PGPEP1L: variants seen among roughly 807,000 people sequenced by gnomAD.
PGPEP1L encodes the protein pyroglutamyl-peptidase I like.
PGPEP1L carries 7 observed loss-of-function variants against 6.0 expected under a neutral mutation model. The observed-to-expected ratio is 1.17, with a 90% CI of 0.66 to 2.19. The LOEUF (loss-of-function observed/expected upper bound fraction) is 2.19. PGPEP1L is among the 30% of genes most tolerant of loss of function. The pLI, the probability that PGPEP1L is intolerant of heterozygous loss-of-function variation, is 0.00. For missense variants in PGPEP1L, 209 were observed against 192.5 expected (o/e 1.09, Z -0.51); for synonymous variants, 103 against 83.9 (o/e 1.23, Z -1.24).
intron 2 of PGPEP1L, among the ~76,000 whole-genome samples, chr15:98,978,853 C>T (rs1487057682): frequency 6.6e-6 from 1 of 150,902 alleles, no homozygotes; most frequent in Non-Finnish European, 1.5e-5. Flanking sequence ...CCTCAGCCTC[C>T]CGAGTAGCTG....
At position 98,970,749 on chromosome 15, in the gene PGPEP1L, T is replaced by TC. The variant is rs536097140; in HGVS notation, c.-19+286dup. Reference sequence around the variant, plus strand: ...GTGTGGGGCCCAACCCAAGGGCCTCTCCCTTAGGTGGAAACTATTTTTGAG... The same window carrying TC: ...GTGTGGGGCCCAACCCAAGGGCCTCTCCCCTTAGGTGGAAACTATTTTTGAG... On this transcript the variant is annotated intron_variant, in intron 3 of 4. Coordinates refer to ENST00000535714, the MANE Select transcript of PGPEP1L (RefSeq NM_001167902.2). Among the ~76,000 whole-genome samples, 31 of 152,340 alleles carry TC rather than the reference T, an allele frequency of 2.0e-4. No homozygotes were observed. The South Asian group carries it at 6.4e-3, about 32-fold the overall frequency.
At chr15:99,006,789 C>A (rs1319459654) in intron 1 of PGPEP1L, among the ~76,000 whole-genome samples, 2 of 152,200 alleles carry the variant, frequency 1.3e-5, no homozygotes, top group African/African-American at 4.8e-5. Flanking sequence ...CAGAGTGAGA[C>A]CCTGTCTCTA....
chr15:98,970,524 TCA>T (rs3051368), intron 3 of PGPEP1L, among the ~76,000 whole-genome samples: 69,841 of 149,718 alleles, frequency 0.47, 16,624 homozygotes, highest in South Asian at 0.57. Context: ...ATTAACCTCA[TCA>T]CATCTGGTCC....
chr15:98,971,733 T>C (rs1020803094), intron 2 of PGPEP1L, among the ~76,000 whole-genome samples: 1 of 152,140 alleles, frequency 6.6e-6, no homozygotes, highest in Non-Finnish European at 1.5e-5. Context: ...CTGGCACAAG[T>C]AAGAAAACAC....
chr15:98,977,842 C>G (rs1047845275), intron 2 of PGPEP1L, among the ~76,000 whole-genome samples: 1 of 152,232 alleles, frequency 6.6e-6, no homozygotes, highest in African/African-American at 2.4e-5. Flanking sequence ...ACGTATTTTA[C>G]AAGCACTGTT....
intron 2 of PGPEP1L, among the ~76,000 whole-genome samples, chr15:98,983,228 A>T (rs2017694778): frequency 6.6e-6 from 1 of 151,544 alleles, no homozygotes; most frequent in Non-Finnish European, 1.5e-5. Context: ...TTACTTTCCT[A>T]TCCCTGAACA....
intron 2 of PGPEP1L, among the ~76,000 whole-genome samples, chr15:99,000,436 G>A (rs371782864): frequency 5.8e-4 from 89 of 152,346 alleles, no homozygotes; most frequent in East Asian, 1.2e-3. Flanking sequence ...GCCCCAGTGC[G>A]GGATCCACAG....
At chr15:98,983,176 A>AATC (rs1406083843) in intron 2 of PGPEP1L, among the ~76,000 whole-genome samples, 5 of 151,314 alleles carry the variant, frequency 3.3e-5, no homozygotes, top group East Asian at 1.9e-4. Flanking sequence ...AAAAAAGAAG[A>AATC]ATCAAGAGAA....
chr15:98,969,320 G>A (rs1184005282), intron 4 of PGPEP1L, 105 bp downstream of exon 4: 1 of 1,435,482 alleles, frequency 7.0e-7, no homozygotes, highest in Non-Finnish European at 9.7e-7. Context: ...GCATGGCCAA[G>A]TGGCCAGCTG....
chr15:98,998,440 CAT>C (rs766148643), intron 2 of PGPEP1L, among the ~76,000 whole-genome samples: 5 of 152,194 alleles, frequency 3.3e-5, no homozygotes, highest in Non-Finnish European at 7.3e-5. Context: ...GGCTTAAGAA[CAT>C]GTGTGCACAG....
chr15:98,982,025 G>A (rs891612209), intron 2 of PGPEP1L, among the ~76,000 whole-genome samples: 1 of 152,184 alleles, frequency 6.6e-6, no homozygotes, highest in South Asian at 2.1e-4. Context: ...TCCTGTCAAC[G>A]TGGGAATGGA....
At chr15:98,993,056 C>T (rs2017839909) in intron 2 of PGPEP1L, among the ~76,000 whole-genome samples, 1 of 152,216 alleles carries the variant, frequency 6.6e-6, no homozygotes, top group African/African-American at 2.4e-5. Context: ...GCAAAGACTT[C>T]ATGACTAAAA....
At chr15:98,986,281 A>C (rs782298018) in intron 2 of PGPEP1L, among the ~76,000 whole-genome samples, 25 of 152,248 alleles carry the variant, frequency 1.6e-4, no homozygotes, top group Non-Finnish European at 3.4e-4. Flanking sequence ...CACCAGAAAA[A>C]AACAATCAAG....
At chr15:98,975,346 A>G (rs150507808) in intron 2 of PGPEP1L, among the ~76,000 whole-genome samples, 1 of 152,304 alleles carries the variant, frequency 6.6e-6, no homozygotes, top group Non-Finnish European at 1.5e-5. Context: ...GAAGTATGAA[A>G]AGAGGTTGGT....
intron 3 of PGPEP1L, among the ~76,000 whole-genome samples, chr15:98,970,546 GT>G (rs200823606): frequency 1.4e-5 from 2 of 143,788 alleles, no homozygotes; most frequent in African/African-American, 2.6e-5. Context: ...CTTGTTTGGG[GT>G]TTTTTTTGGG....
At chr15:98,990,695 T>C (rs1555471958) in intron 2 of PGPEP1L, among the ~76,000 whole-genome samples, 1 of 152,160 alleles carries the variant, frequency 6.6e-6, no homozygotes, top group African/African-American at 2.4e-5. Flanking sequence ...TATTCTAAAA[T>C]TGACCACATA....
rs562767652 is a variant in PGPEP1L at position 98,990,005 on chromosome 15, C to T, written c.-142+15424G>A. Among the ~76,000 whole-genome samples the T allele has an allele frequency of 1.2e-4, 18 of 152,262 alleles. No individual in the cohort carries two copies. The East Asian group carries it at 2.9e-3, about 24-fold the overall frequency. ...AGCACCAAATATGGAAAGGAACCAC[C>T]GGTAACAGCCACTGCGAAACCATAC... On this transcript the variant is annotated intron_variant, in intron 2 of 4. Coordinates refer to ENST00000535714, the MANE Select transcript of PGPEP1L (RefSeq NM_001167902.2).
intron 2 of PGPEP1L, among the ~76,000 whole-genome samples, chr15:98,984,870 A>C (rs80159413): frequency 0.024 from 3,623 of 152,166 alleles, 80 homozygotes; most frequent in South Asian, 0.038. Context: ...AGAGACTGAT[A>C]GCAAGGACGG....
intron 2 of PGPEP1L, among the ~76,000 whole-genome samples, chr15:98,977,366 A>C (rs966106984): frequency 6.6e-6 from 1 of 152,252 alleles, no homozygotes; most frequent in Non-Finnish European, 1.5e-5. Context: ...TTAGTGCCAT[A>C]AATTTCCCTC....
Sources: gnomAD v4.1 joint callset for allele counts (sites outside exome capture counted in the v4.1 genomes callset) on GRCh38, gnomAD v4.1.1 for gene constraint, MANE v1.5 for transcripts, NCBI Gene and HGNC (gene_info 2026-07-23, HGNC 2026-07-21) for gene names.